Variants in CTNNA2 observed in about 807,000 individuals in gnomAD.
CTNNA2 encodes the protein catenin alpha 2, also known as catenin alpha-2.
CTNNA2 carries 42 observed loss-of-function variants against 101.0 expected under a neutral mutation model. The ratio of observed to expected loss-of-function variants is 0.42; its 90% CI spans 0.32 to 0.54. CTNNA2 has a LOEUF of 0.54. Among genes scored for constraint, CTNNA2 ranks in the 20% least tolerant of loss-of-function variants. CTNNA2 has a pLI of 0.14. For missense variants in CTNNA2, 871 were observed against 1,223.1 expected, an observed-to-expected ratio of 0.71 and a Z score of 4.29; for synonymous variants, 450 against 456.4, an observed-to-expected ratio of 0.99 and a Z score of 0.18.
At chr2:79,403,915 A>G (rs922931433) in intron 4 of CTNNA2, among the ~76,000 whole-genome samples, 7 of 152,002 alleles carry the variant, frequency 4.6e-5, no homozygotes, top group Admixed American at 3.9e-4. Flanking sequence ...CTGGTTGTAT[A>G]TATCAGAGAA....
intron 7 of CTNNA2, among the ~76,000 whole-genome samples, chr2:79,987,284 G>A (rs556370109): frequency 1.3e-5 from 2 of 152,282 alleles, no homozygotes; most frequent in South Asian, 2.1e-4. Context: ...CACACTTCCC[G>A]TGTTCCTCCA....
At chr2:79,935,280 A>G (rs1687704057) in intron 7 of CTNNA2, among the ~76,000 whole-genome samples, 1 of 152,046 alleles carries the variant, frequency 6.6e-6, no homozygotes, top group Non-Finnish European at 1.5e-5. Context: ...GCCTTGTCCA[A>G]AGTCACATGG....
In CTNNA2 at chr2:79,821,815, T is replaced by C. The variant is rs1314143990; in HGVS notation, c.299-36198T>C. Among the ~76,000 whole-genome samples the C allele has an allele frequency of 2.6e-5, 4 of 152,190 alleles. No homozygotes were observed. The East Asian group carries it at 7.7e-4, about 29-fold the overall frequency. On this transcript the variant is annotated intron_variant, in intron 3 of 18. Transcript: ENST00000402739. The stretch of plus-strand genomic sequence containing the variant: ...GGTTGGAATGTTTCTTAACTGGTGT[T>C]TATTCTGTACCTACTACACTACATT...
chr2:80,335,173 G>A (rs895432451), intron 7 of CTNNA2, among the ~76,000 whole-genome samples: 19 of 152,206 alleles, frequency 1.2e-4, no homozygotes, highest in African/African-American at 4.1e-4. Flanking sequence ...ATTAGAGCCC[G>A]TCCTCTTTTC....
At chr2:80,008,961 G>A (rs192459423) in intron 7 of CTNNA2, among the ~76,000 whole-genome samples, 145 of 152,240 alleles carry the variant, frequency 9.5e-4, no homozygotes, top group East Asian at 4.8e-3. Flanking sequence ...TAGACTTTCC[G>A]AGACACTGAA....
intron 7 of CTNNA2, among the ~76,000 whole-genome samples, chr2:80,340,113 A>G (rs979975182): frequency 6.6e-6 from 1 of 152,206 alleles, no homozygotes; most frequent in Non-Finnish European, 1.5e-5. Context: ...AATCTGTCTC[A>G]TGCAATCTTT....
At chr2:80,146,267 A>G (rs11686939) in intron 7 of CTNNA2, among the ~76,000 whole-genome samples, 85,957 of 152,008 alleles carry the variant, frequency 0.57, 25,099 homozygotes, top group African/African-American at 0.65. Context: ...TCCCTGGCGA[A>G]CTCTGCCAAA....
intron 2 of CTNNA2, among the ~76,000 whole-genome samples, chr2:79,286,710 G>A (rs188733313): frequency 0.027 from 4,081 of 152,006 alleles, 73 homozygotes; most frequent in Non-Finnish European, 0.038. Flanking sequence ...TTTCAACTTT[G>A]GTGAATCTGA....
chr2:79,380,728 G>C (rs1292119257), intron 4 of CTNNA2, among the ~76,000 whole-genome samples: 1 of 152,304 alleles, frequency 6.6e-6, no homozygotes, highest in East Asian at 1.9e-4. Flanking sequence ...TATTTACCAA[G>C]TATATAAAAC....
chr2:79,242,198 G>A (rs548782861), intron 2 of CTNNA2, among the ~76,000 whole-genome samples: 13 of 152,100 alleles, frequency 8.5e-5, no homozygotes, highest in African/African-American at 2.9e-4. Context: ...GAGCCACCGC[G>A]CCTGGCACAT....
intron 2 of CTNNA2, among the ~76,000 whole-genome samples, chr2:79,697,459 A>C (rs145888111): frequency 4.5e-4 from 69 of 152,224 alleles, no homozygotes; most frequent in African/African-American, 1.7e-3. Flanking sequence ...CTGGATATCA[A>C]GCACATGTAA....
chr2:80,385,425 A>G (rs368074535), intron 7 of CTNNA2, among the ~76,000 whole-genome samples: 44 of 152,328 alleles, frequency 2.9e-4, no homozygotes, highest in Admixed American at 1.5e-3. Context: ...GACCCTCACC[A>G]GACACAGAGG....
intron 5 of CTNNA2, among the ~76,000 whole-genome samples, chr2:79,506,304 A>G (rs1022203695): frequency 1.1e-4 from 17 of 151,566 alleles, no homozygotes; most frequent in Admixed American, 6.6e-5. Flanking sequence ...ATATTGGTGC[A>G]TGTGTTACAA....
intron 7 of CTNNA2, among the ~76,000 whole-genome samples, chr2:80,192,964 TGA>T (rs1553466094): frequency 2.0e-5 from 3 of 152,126 alleles, no homozygotes; most frequent in Non-Finnish European, 4.4e-5. Flanking sequence ...TGTGTGTGTG[TGA>T]GTGATTGTAA....
intron 7 of CTNNA2, among the ~76,000 whole-genome samples, chr2:80,075,633 CAT>C: frequency 1.3e-5 from 1 of 76,696 alleles, no homozygotes; most frequent in African/African-American, 5.0e-5. Context: ...AATATTTATA[CAT>C]GTATAAATAT....
intron 9 of CTNNA2, among the ~76,000 whole-genome samples, chr2:80,500,064 A>G (rs1687761066): frequency 6.6e-6 from 1 of 152,216 alleles, no homozygotes; most frequent in African/African-American, 2.4e-5. Flanking sequence ...TTTATGTAGT[A>G]GAAGAATGGA....
chr2:80,053,507 C>G (rs1194351360), intron 7 of CTNNA2, among the ~76,000 whole-genome samples: 1 of 152,188 alleles, frequency 6.6e-6, no homozygotes, highest in Non-Finnish European at 1.5e-5. Context: ...GCCATTTGTC[C>G]TTTCTCCAGA....
intron 1 of CTNNA2, among the ~76,000 whole-genome samples, chr2:79,190,824 A>G (rs1167580256): frequency 6.6e-6 from 1 of 152,186 alleles, no homozygotes. Flanking sequence ...AGAGAAATAC[A>G]TTTTAATAAG....
chr2:80,465,397 AT>A (rs199586420), intron 9 of CTNNA2, among the ~76,000 whole-genome samples: 4 of 138,058 alleles, frequency 2.9e-5, no homozygotes, highest in Non-Finnish European at 4.7e-5. Flanking sequence ...CCCTCCTACC[AT>A]TTTTGCAGTT....
Sources: gnomAD v4.1 joint callset for allele counts (sites outside exome capture counted in the v4.1 genomes callset) on GRCh38, gnomAD v4.1.1 for gene constraint, MANE v1.5 for transcripts, NCBI Gene and HGNC (gene_info 2026-07-23, HGNC 2026-07-21) for gene names.